The following CAMTA1 variants were observed in gnomAD, a reference collection of about 807,000 sequenced individuals.
CAMTA1 encodes calmodulin binding transcription activator 1, also known as calmodulin-binding transcription activator 1.
A neutral mutation model predicts 170.9 loss-of-function variants in CAMTA1; 27 were observed. The ratio of observed to expected loss-of-function variants is 0.16; its 90% confidence interval spans 0.12 to 0.22. The LOEUF (loss-of-function observed/expected upper bound fraction) is 0.22. Ranked by LOEUF, CAMTA1 falls within the 10% of genes least tolerant of loss-of-function variation. The pLI is 1.00. For synonymous variants in CAMTA1, 833 were observed against 891.5 expected (o/e 0.93, Z 1.17); for missense variants, 1,619 against 2,217.2 (o/e 0.73, Z 5.42).
At chr1:6,847,133 A>G (rs1199316048) in intron 3 of CAMTA1, among the ~76,000 whole-genome samples, 1 of 151,424 alleles carries the variant, frequency 6.6e-6, no homozygotes, top group Non-Finnish European at 1.5e-5. Context: ...CCTACCGAGT[A>G]GCTGGGATTA....
chr1:7,731,863 G>A (rs939459725), intron 11 of CAMTA1, among the ~76,000 whole-genome samples: 34 of 152,132 alleles, frequency 2.2e-4, no homozygotes, highest in South Asian at 2.1e-4. Context: ...GGGCGACAAC[G>A]TGAGACTGTC....
chr1:6,878,984 C>G (rs978084412), intron 3 of CAMTA1, among the ~76,000 whole-genome samples: 5 of 152,162 alleles, frequency 3.3e-5, no homozygotes, highest in African/African-American at 1.2e-4. Context: ...ATGTTCATTT[C>G]TTTTATCACA....
intron 3 of CAMTA1, among the ~76,000 whole-genome samples, chr1:7,066,022 C>G (rs1000508757): frequency 6.6e-6 from 1 of 152,130 alleles, no homozygotes; most frequent in Non-Finnish European, 1.5e-5. Flanking sequence ...TACACCAGAA[C>G]TGACTGGCAA....
At chr1:6,855,219 C>G (rs558117324) in intron 3 of CAMTA1, among the ~76,000 whole-genome samples, 3 of 152,068 alleles carry the variant, frequency 2.0e-5, no homozygotes, top group African/African-American at 7.2e-5. Flanking sequence ...AAATTTGTAT[C>G]AATCTGGATC....
intron 20 of CAMTA1, among the ~76,000 whole-genome samples, chr1:7,751,598 C>G (rs1287638942): frequency 1.3e-5 from 2 of 152,062 alleles, no homozygotes; most frequent in Non-Finnish European, 1.5e-5. Context: ...TTCTCTCCAC[C>G]TCCCACCCAA....
chr1:7,126,911 C>G (rs1039762357), intron 4 of CAMTA1, among the ~76,000 whole-genome samples: 1 of 152,190 alleles, frequency 6.6e-6, no homozygotes, highest in African/African-American at 2.4e-5. Flanking sequence ...ACTGGGACTA[C>G]AGGCGCCCGC....
chr1:7,306,885 T>A (rs572087071), intron 5 of CAMTA1, among the ~76,000 whole-genome samples: 31 of 151,902 alleles, frequency 2.0e-4, no homozygotes, highest in Non-Finnish European at 4.0e-4. Flanking sequence ...AAAAATACAG[T>A]ATAACAATTA....
In CAMTA1 at chr1:7,561,731, G is replaced by A. The variant is rs548551639; in HGVS notation, c.511-78669G>A. On this transcript the variant is annotated intron_variant, in intron 6 of 22. Transcript: ENST00000303635. The surrounding 1 kb of genome is among the most constrained non-coding windows in gnomAD (Gnocchi z 5.3). The stretch of plus-strand genomic sequence containing the variant: ...TAGGCCACTGTGTTAGATTCTTCAC[G>A]ACGCCTGTCAGAGGCCACCCCTCCC... 1.3e-5 allele frequency among the ~76,000 whole-genome samples: 2 copies of A among 151,980 alleles called. No homozygotes were observed. The highest frequency in any genetic ancestry group is 2.1e-4 in the South Asian group (1 of 4,806).
In CAMTA1 at chr1:7,007,707, T is replaced by C. The variant is rs2100727699; in HGVS notation, c.235-83597T>C. Among the ~76,000 whole-genome samples the C allele has an allele frequency of 6.6e-6, 1 of 152,248 alleles. No individual in the cohort carries two copies. The highest frequency in any genetic ancestry group is 2.1e-4 in the South Asian group (1 of 4,824). On this transcript the variant is annotated intron_variant, in intron 3 of 22. Coordinates refer to ENST00000303635, the MANE Select transcript of CAMTA1 (RefSeq NM_015215.4). The surrounding 1 kb of genome is among the most constrained non-coding windows in gnomAD (Gnocchi z 4.5). The stretch of plus-strand genomic sequence containing the variant: ...CTTCTGAAAGGACCCCCTGTGGGGC[T>C]CCCGGGGCGTCGCTTCTGCCTCTTC...
chr1:7,697,234 C>T (rs1278470845), intron 11 of CAMTA1, among the ~76,000 whole-genome samples: 3 of 152,042 alleles, frequency 2.0e-5, no homozygotes, highest in South Asian at 4.1e-4. Context: ...TGGTGATTTC[C>T]GGGTTCTATC....
intron 3 of CAMTA1, among the ~76,000 whole-genome samples, chr1:7,034,995 G>A (rs1703377947): frequency 6.6e-6 from 1 of 152,082 alleles, no homozygotes; most frequent in African/African-American, 2.4e-5. Flanking sequence ...TCACACAAAT[G>A]CTTTTCTTCA....
intron 6 of CAMTA1, among the ~76,000 whole-genome samples, chr1:7,543,025 C>T (rs561547811): frequency 2.0e-5 from 3 of 152,068 alleles, no homozygotes; most frequent in African/African-American, 4.8e-5. Context: ...CCACTACACC[C>T]GGCTAATTAT....
At chr1:7,351,088 C>T (rs1328249852) in intron 5 of CAMTA1, among the ~76,000 whole-genome samples, 2 of 152,302 alleles carry the variant, frequency 1.3e-5, no homozygotes, top group East Asian at 1.9e-4. Flanking sequence ...CAGACCTCAG[C>T]GTCGTAGGAA....
At chr1:7,557,134 C>G (rs952388183) in intron 6 of CAMTA1, among the ~76,000 whole-genome samples, 1 of 151,930 alleles carries the variant, frequency 6.6e-6, no homozygotes, top group African/African-American at 2.4e-5. Context: ...ATGGCGAAAC[C>G]CGGCCTCTAC....
At chr1:7,514,100 T>C (rs2094245396) in intron 6 of CAMTA1, among the ~76,000 whole-genome samples, 1 of 152,172 alleles carries the variant, frequency 6.6e-6, no homozygotes, top group South Asian at 2.1e-4. Flanking sequence ...GCAAATGAAT[T>C]TGGGGGATGT....
Position 6,889,864 on chromosome 1 carries a change from C to G in CAMTA1, c.234+64654C>G, listed in dbSNP as rs1674138102. Among the ~76,000 whole-genome samples the G allele has an allele frequency of 1.3e-5, 2 of 152,116 alleles. 1 individual carries two copies. The highest frequency in any genetic ancestry group is 4.1e-4 in the South Asian group (2 of 4,830). ...TAAATCTGAAGGTTTGATCAGCTTA[C>G]TGTTTTTAGTATTTTCTGCTGCTGC... On this transcript the variant is annotated intron_variant, in intron 3 of 22. Coordinates refer to ENST00000303635, the MANE Select transcript of CAMTA1 (RefSeq NM_015215.4).
chr1:7,086,491 A>T (rs1420689033), intron 3 of CAMTA1, among the ~76,000 whole-genome samples: 2 of 152,152 alleles, frequency 1.3e-5, no homozygotes, highest in East Asian at 3.9e-4. Context: ...TACATTCATG[A>T]GGATGTGCAA....
At chr1:7,711,497 C>A (rs2096570417) in intron 11 of CAMTA1, among the ~76,000 whole-genome samples, 2 of 152,154 alleles carry the variant, frequency 1.3e-5, no homozygotes, top group South Asian at 4.1e-4. Context: ...AAAGAAAACA[C>A]CATCCTGAAG....
At chr1:6,820,278 C>T (rs1646334868) in intron 2 of CAMTA1, 28 bp downstream of exon 2, 2 of 1,613,448 alleles carry the variant, frequency 1.2e-6, no homozygotes, top group Non-Finnish European at 1.7e-6. Flanking sequence ...TTTTGACTTA[C>T]AGGAAGGGGT....
Sources: gnomAD v4.1 joint callset for allele counts (sites outside exome capture counted in the v4.1 genomes callset) on GRCh38, gnomAD v4.1.1 for gene constraint, Gnocchi (gnomAD v3.1) non-coding constraint, MANE v1.5 for transcripts, NCBI Gene and HGNC (gene_info 2026-07-23, HGNC 2026-07-21) for gene names.